The following ASTN2 variants were observed in gnomAD, a reference collection of about 807,000 sequenced individuals.
ASTN2 encodes astrotactin 2.
ASTN2 carries 54 observed loss-of-function variants against 139.8 expected under a neutral mutation model. The ratio of observed to expected loss-of-function variants is 0.39; its 90% confidence interval spans 0.31 to 0.48. The LOEUF is 0.48. ASTN2 is among the 20% of genes least tolerant of loss of function. ASTN2 has a pLI of 0.95. For synonymous variants in ASTN2, 756 were observed against 719.5 expected (o/e 1.05, Z -0.81); for missense variants, 1,565 against 1,725.1 (o/e 0.91, Z 1.64).
At chr9:116,675,889 C>G (rs1365202302) in intron 16 of ASTN2, among the ~76,000 whole-genome samples, 1 of 152,094 alleles carries the variant, frequency 6.6e-6, no homozygotes, top group Non-Finnish European at 1.5e-5. Flanking sequence ...ACAACAGGGA[C>G]CAACAGGGAA....
intron 10 of ASTN2, among the ~76,000 whole-genome samples, chr9:116,866,167 T>C (rs975251484): frequency 2.0e-5 from 3 of 152,230 alleles, no homozygotes; most frequent in African/African-American, 7.2e-5. Flanking sequence ...CAAGATTTAT[T>C]CATTTCTCTT....
chr9:117,206,515 A>T (rs1831930169), intron 3 of ASTN2, among the ~76,000 whole-genome samples: 1 of 152,138 alleles, frequency 6.6e-6, no homozygotes, highest in Non-Finnish European at 1.5e-5. Context: ...TTGCTGCAGC[A>T]CGGTACACAC....
chr9:117,056,157 G>A (rs1229315640), intron 5 of ASTN2, among the ~76,000 whole-genome samples: 3 of 152,216 alleles, frequency 2.0e-5, no homozygotes, highest in South Asian at 2.1e-4. Flanking sequence ...AGTCTCCTTC[G>A]AAGCCCTGAG....
chr9:117,178,113 A>T (rs942095755), intron 3 of ASTN2, among the ~76,000 whole-genome samples: 1 of 152,182 alleles, frequency 6.6e-6, no homozygotes, highest in African/African-American at 2.4e-5. Context: ...TTGTTCTCTG[A>T]TAATCTCTCT....
chr9:117,277,514 G>A (rs1013236547), intron 2 of ASTN2, among the ~76,000 whole-genome samples: 1 of 152,134 alleles, frequency 6.6e-6, no homozygotes, highest in African/African-American at 2.4e-5. Context: ...GAAAACAGTA[G>A]ATAAATTCCT....
intron 4 of ASTN2, among the ~76,000 whole-genome samples, chr9:117,101,350 G>T (rs925559545): frequency 2.0e-5 from 3 of 152,202 alleles, no homozygotes; most frequent in Non-Finnish European, 4.4e-5. Context: ...TGGTGATTTA[G>T]TGCAATAAAA....
At chr9:116,890,974 A>G (rs1833749189) in intron 10 of ASTN2, among the ~76,000 whole-genome samples, 1 of 152,178 alleles carries the variant, frequency 6.6e-6, no homozygotes, top group African/African-American at 2.4e-5. Context: ...GCTCTCTGTT[A>G]GGCTTCACAT....
chr9:116,543,219 A>G (rs1322523867), intron 19 of ASTN2, among the ~76,000 whole-genome samples: 1 of 151,390 alleles, frequency 6.6e-6, no homozygotes, highest in African/African-American at 2.4e-5. Flanking sequence ...GCTTGAGCTC[A>G]GGAGTTTGAG....
At chr9:116,431,397 C>A (rs1847492175) in intron 22 of ASTN2, among the ~76,000 whole-genome samples, 3 of 152,126 alleles carry the variant, frequency 2.0e-5, no homozygotes, top group South Asian at 2.1e-4. Context: ...GGAACATGAC[C>A]TTCAGAAGTG....
chr9:117,028,025 G>C (rs1838146338), intron 6 of ASTN2, among the ~76,000 whole-genome samples: 1 of 151,342 alleles, frequency 6.6e-6, no homozygotes, highest in African/African-American at 2.4e-5. Context: ...GAGGATTTAA[G>C]ATTCCAAATC....
chr9:116,596,283 G>A (rs1400188074), intron 19 of ASTN2, among the ~76,000 whole-genome samples: 2 of 152,172 alleles, frequency 1.3e-5, no homozygotes, highest in Non-Finnish European at 2.9e-5. Context: ...CTGGGAATGC[G>A]GAAACAAGGA....
chr9:117,254,790 C>T (rs1380969164), intron 2 of ASTN2, among the ~76,000 whole-genome samples: 3 of 151,962 alleles, frequency 2.0e-5, no homozygotes, highest in Non-Finnish European at 4.4e-5. Flanking sequence ...CACTCTATTC[C>T]ATATCACTGT....
chr9:117,127,163 T>C (rs1030824171), intron 4 of ASTN2, among the ~76,000 whole-genome samples: 23 of 152,220 alleles, frequency 1.5e-4, no homozygotes, highest in African/African-American at 4.6e-4. Flanking sequence ...GCTGTAGTTA[T>C]TGGTATAATT....
chr9:117,361,989 T>A (rs940249663), intron 1 of ASTN2, among the ~76,000 whole-genome samples: 6 of 152,092 alleles, frequency 3.9e-5, no homozygotes, highest in Non-Finnish European at 7.4e-5. Context: ...TTGTTTTGCT[T>A]TGAGATGGAG....
intron 3 of ASTN2, among the ~76,000 whole-genome samples, chr9:117,145,736 A>G (rs114203285): frequency 0.015 from 2,334 of 152,176 alleles, 50 homozygotes; most frequent in African/African-American, 0.054. Context: ...TAGCCACTTC[A>G]TTGAATTCTT....
intron 7 of ASTN2, among the ~76,000 whole-genome samples, chr9:116,989,186 A>C (rs924620395): frequency 6.6e-6 from 1 of 152,164 alleles, no homozygotes; most frequent in African/African-American, 2.4e-5. Context: ...ATTAAATTCC[A>C]TTTATACAAT....
chr9:116,660,168 GCACACACACACA>G (rs3041004), intron 16 of ASTN2, among the ~76,000 whole-genome samples: 127 of 146,686 alleles, frequency 8.7e-4, no homozygotes, highest in African/African-American at 3.0e-3. Context: ...TATTGCAAGC[GCACACACACACA>G]CACACACACA....
At chr9:116,807,611 G>T (rs1367980583) in intron 12 of ASTN2, among the ~76,000 whole-genome samples, 1 of 152,170 alleles carries the variant, frequency 6.6e-6, no homozygotes, top group Non-Finnish European at 1.5e-5. Flanking sequence ...CAGTGCAGAT[G>T]AAATGAGTGT....
intron 13 of ASTN2, among the ~76,000 whole-genome samples, chr9:116,740,020 A>C (rs1452762319): frequency 6.6e-6 from 1 of 152,234 alleles, no homozygotes; most frequent in Non-Finnish European, 1.5e-5. Flanking sequence ...GAGTGCATAC[A>C]TACTCTGGCT....
Sources: allele counts gnomAD v4.1 joint callset (sites outside exome capture counted in the v4.1 genomes callset), GRCh38; gene constraint gnomAD v4.1.1; transcripts MANE v1.5; gene names NCBI Gene and HGNC (gene_info 2026-07-23, HGNC 2026-07-21).